DRC11: variants seen among roughly 807,000 people sequenced by gnomAD.
DRC11 encodes the protein dynein regulatory complex subunit 11.
the DRC11 span, among the ~76,000 whole-genome samples, chr2:236,380,283 AG>A: frequency 3.3e-5 from 5 of 152,228 alleles, no homozygotes; most frequent in African/African-American, 1.2e-4. This position sits in a 1 kb window ranked among gnomAD's most constrained non-coding sequence, Gnocchi z 4.9. Context: ...ATGCTTCACC[AG>A]GGTGTTATTT....
chr2:236,488,032 C>G, the DRC11 span: 11 of 1,601,948 alleles, frequency 6.9e-6, no homozygotes, highest in Non-Finnish European at 8.5e-6. Flanking sequence ...GCCCAGGTAT[C>G]TGTCACTTTC....
chr2:236,459,482 AATATGTATACGTATATATGT>A, the DRC11 span, among the ~76,000 whole-genome samples: 1 of 142,542 alleles, frequency 7.0e-6, no homozygotes, highest in African/African-American at 2.6e-5. Flanking sequence ...GTAATTAAAA[AATATGTATACGTATATATGT>A]ATACGTATAC....
At chr2:236,308,551 A>T in the DRC11 span, among the ~76,000 whole-genome samples, 54 of 152,358 alleles carry the variant, frequency 3.5e-4, 1 homozygote, top group Non-Finnish European at 1.2e-4. The surrounding 1 kb of genome is among the most constrained non-coding windows in gnomAD (Gnocchi z 6.0). Context: ...GCTGTGTGAT[A>T]GTGAGCCCTC....
chr2:236,446,893 C>T, the DRC11 span, among the ~76,000 whole-genome samples: 3 of 147,950 alleles, frequency 2.0e-5, no homozygotes, highest in Non-Finnish European at 2.9e-5. This position sits in a 1 kb window ranked among gnomAD's most constrained non-coding sequence, Gnocchi z 6.2. Context: ...TTGCCACTTC[C>T]CCTGACTGCG....
the DRC11 span, chr2:236,392,427 C>T: frequency 8.6e-4 from 641 of 745,402 alleles, 4 homozygotes; most frequent in African/African-American, 1.0e-2. The surrounding 1 kb of genome is among the most constrained non-coding windows in gnomAD (Gnocchi z 5.1). Context: ...TTTAAAAAGA[C>T]GTAGGTTAAT....
At chr2:236,344,432 A>G in the DRC11 span, 1 of 655,158 alleles carries the variant, frequency 1.5e-6, no homozygotes, top group Non-Finnish European at 2.7e-6. Flanking sequence ...ACCACTACAG[A>G]GAGCCCCAGT....
the DRC11 span, among the ~76,000 whole-genome samples, chr2:236,469,608 T>C: frequency 1.3e-5 from 2 of 152,246 alleles, no homozygotes; most frequent in African/African-American, 4.8e-5. This position sits in a 1 kb window ranked among gnomAD's most constrained non-coding sequence, Gnocchi z 5.8. Context: ...TGTGTATTCA[T>C]GCATGTTTCT....
At chr2:236,498,765 C>T in the DRC11 span, among the ~76,000 whole-genome samples, 8 of 152,142 alleles carry the variant, frequency 5.3e-5, no homozygotes, top group Non-Finnish European at 1.2e-4. Context: ...TGTTACTGGT[C>T]CCTTTATTAG....
chr2:236,357,213 A>G, the DRC11 span, among the ~76,000 whole-genome samples: 1 of 112,800 alleles, frequency 8.9e-6, no homozygotes, highest in African/African-American at 3.8e-5. Flanking sequence ...ATATTCATAT[A>G]GTATATATCT....
At chr2:236,486,726 T>C in the DRC11 span, 2 of 794,424 alleles carry the variant, frequency 2.5e-6, no homozygotes, top group Non-Finnish European at 4.1e-6. The surrounding 1 kb of genome is among the most constrained non-coding windows in gnomAD (Gnocchi z 5.7). Flanking sequence ...AAATCATTTA[T>C]TTTTCTTTCT....
the DRC11 span, among the ~76,000 whole-genome samples, chr2:236,476,951 T>C: frequency 6.6e-6 from 1 of 152,188 alleles, no homozygotes; most frequent in East Asian, 1.9e-4. The surrounding 1 kb of genome is among the most constrained non-coding windows in gnomAD (Gnocchi z 4.7). Flanking sequence ...CCTCCCTGTG[T>C]CCATGTGTTC....
At chr2:236,453,807 T>A in the DRC11 span, among the ~76,000 whole-genome samples, 1 of 152,052 alleles carries the variant, frequency 6.6e-6, no homozygotes, top group Admixed American at 6.6e-5. This position sits in a 1 kb window ranked among gnomAD's most constrained non-coding sequence, Gnocchi z 4.9. Context: ...GCCTGGCTAA[T>A]TTTTTGTATT....
chr2:236,504,653 C>A, the DRC11 span, among the ~76,000 whole-genome samples: 2 of 152,092 alleles, frequency 1.3e-5, no homozygotes. The surrounding 1 kb of genome is among the most constrained non-coding windows in gnomAD (Gnocchi z 5.0). Flanking sequence ...TGTGTCCCGA[C>A]CCAAATCTCA....
chr2:236,382,890 A>G, the DRC11 span, among the ~76,000 whole-genome samples: 1 of 152,190 alleles, frequency 6.6e-6, no homozygotes, highest in Non-Finnish European at 1.5e-5. Context: ...TTTTAACCTT[A>G]TAATAGTTTT....
the DRC11 span, chr2:236,409,078 C>T: frequency 3.9e-6 from 2 of 515,622 alleles, no homozygotes; most frequent in Non-Finnish European, 7.0e-6. Context: ...TGTGAGACAT[C>T]ACGCCATCAC....
chr2:236,501,281 C>T, the DRC11 span, among the ~76,000 whole-genome samples: 8 of 152,266 alleles, frequency 5.3e-5, no homozygotes, highest in East Asian at 1.5e-3. Flanking sequence ...CACCAGACCC[C>T]GCCTCCAGCA....
At chr2:236,472,574 G>A in the DRC11 span, among the ~76,000 whole-genome samples, 17 of 152,154 alleles carry the variant, frequency 1.1e-4, no homozygotes, top group Non-Finnish European at 2.2e-4. The surrounding 1 kb of genome is among the most constrained non-coding windows in gnomAD (Gnocchi z 4.6). Flanking sequence ...GTTTTCCACT[G>A]TATAAAATCA....
the DRC11 span, among the ~76,000 whole-genome samples, chr2:236,463,244 T>C: frequency 6.6e-6 from 1 of 152,204 alleles, no homozygotes; most frequent in Non-Finnish European, 1.5e-5. The surrounding 1 kb of genome is among the most constrained non-coding windows in gnomAD (Gnocchi z 5.0). Context: ...TATGCTCTCA[T>C]GAAACCATCC....
the DRC11 span, among the ~76,000 whole-genome samples, chr2:236,383,674 T>A: frequency 2.0e-5 from 3 of 152,056 alleles, no homozygotes; most frequent in Non-Finnish European, 2.9e-5. Flanking sequence ...AACTTTTTTT[T>A]TTATTATACT....
Sources: allele counts gnomAD v4.1 joint callset (sites outside exome capture counted in the v4.1 genomes callset), GRCh38; gene constraint gnomAD v4.1.1; non-coding constraint Gnocchi (gnomAD v3.1); transcripts MANE v1.5; gene names NCBI Gene and HGNC (gene_info 2026-07-23, HGNC 2026-07-21).